The following PRCP variants were observed in gnomAD, a reference collection of about 807,000 sequenced individuals.
The protein encoded by PRCP is prolylcarboxypeptidase.
A neutral mutation model predicts 54.2 loss-of-function variants in PRCP; 46 were observed. That is an observed-to-expected ratio of 0.85 (90% CI 0.67 to 1.09). PRCP has a LOEUF of 1.09. PRCP is among the 50% of genes least tolerant of loss of function. PRCP has a pLI of 0.00. For missense variants in PRCP, 613 were observed against 596.8 expected (o/e 1.03, Z -0.28); for synonymous variants, 240 against 212.2 (o/e 1.13, Z -1.14).
chr11:82,889,640 T>C (rs2121267621), intron 1 of PRCP, among the ~76,000 whole-genome samples: 1 of 151,528 alleles, frequency 6.6e-6, no homozygotes, highest in African/African-American at 2.4e-5. Context: ...TGGAATGGGA[T>C]TGATAAAAGA....
intron 6 of PRCP, among the ~76,000 whole-genome samples, chr11:82,844,393 A>G (rs7946911): frequency 0.15 from 22,245 of 152,096 alleles, 1,703 homozygotes; most frequent in Middle Eastern, 0.2. Context: ...ATTGCACTCC[A>G]GCCTGGGTAA....
At chr11:82,871,323 C>T (rs990825459) in intron 1 of PRCP, among the ~76,000 whole-genome samples, 16 of 151,782 alleles carry the variant, frequency 1.1e-4, no homozygotes, top group Non-Finnish European at 1.3e-4. Flanking sequence ...CGACTATGGG[C>T]GTGCCCCACC....
intron 8 of PRCP, chr11:82,828,462 G>T (rs10488773): frequency 0.2 from 30,101 of 152,056 alleles, 3,173 homozygotes; most frequent in Admixed American, 0.26. Flanking sequence ...TCCACCCATG[G>T]CATGTATTAG....
chr11:82,898,465 T>C (rs1476290435), intron 1 of PRCP, among the ~76,000 whole-genome samples: 1 of 152,182 alleles, frequency 6.6e-6, no homozygotes, highest in Non-Finnish European at 1.5e-5. Context: ...ATTTTAGAGA[T>C]CTCCCAATCC....
At chr11:82,886,653 A>G (rs1859870073) in intron 1 of PRCP, among the ~76,000 whole-genome samples, 1 of 152,168 alleles carries the variant, frequency 6.6e-6, no homozygotes, top group Non-Finnish European at 1.5e-5. Context: ...ATGAGGCAAC[A>G]TGGTACAAGG....
chr11:82,828,358 G>C (rs564329724), intron 8 of PRCP: 3 of 141,092 alleles, frequency 2.1e-5, no homozygotes, highest in African/African-American at 8.6e-5. Context: ...ACACACTTTG[G>C]TTCCAGTCCC....
chr11:82,882,302 G>T (rs1413357159), intron 1 of PRCP, among the ~76,000 whole-genome samples: 1 of 152,156 alleles, frequency 6.6e-6, no homozygotes, highest in East Asian at 1.9e-4. Context: ...TCATAGTAAT[G>T]TGAAAAATTC....
chr11:82,873,809 C>A (rs1489432947), intron 1 of PRCP, among the ~76,000 whole-genome samples: 1 of 152,178 alleles, frequency 6.6e-6, no homozygotes, highest in Non-Finnish European at 1.5e-5. Context: ...TTTTTTATCA[C>A]ATTGAAAAAT....
Position 82,849,074 on chromosome 11 carries a change from TG to T in PRCP, c.895del (p.Gln299SerfsTer10). On this transcript the variant is annotated frameshift_variant, in exon 6 of 9. Coordinates refer to ENST00000313010, the MANE Select transcript of PRCP (RefSeq NM_005040.4). LOFTEE classifies it high-confidence loss of function. ...VDYPYASNFL[Q>X]PLPAWPIKVV... ...CTTGATAGGCCAAGCAGGCAAAGGC[TG>T]TAAAAAGTTAGAGGCATAAGGATAG... The T allele has an allele frequency of 6.2e-7, 1 of 1,613,958 alleles. No homozygotes were observed. The highest frequency in any genetic ancestry group is 8.5e-7 in the Non-Finnish European group (1 of 1,179,918).
chr11:82,892,196 T>A (rs938533539), intron 1 of PRCP, among the ~76,000 whole-genome samples: 4 of 152,134 alleles, frequency 2.6e-5, no homozygotes, highest in Non-Finnish European at 1.5e-5. Flanking sequence ...AAGAAACAGA[T>A]AAAAAACATG....
chr11:82,823,578 A>T lies in PRCP; in HGVS notation c.*1328T>A, dbSNP rs1345552476. 6.6e-6 allele frequency: 1 copy of T among 152,166 alleles called. No homozygotes were observed. The highest frequency in any genetic ancestry group is 2.4e-5 in the African/African-American group (1 of 41,426). The allele number at this position is 152,166 out of a possible 1,614,324, so 9.4% of individuals were successfully genotyped here. A position where few individuals can be genotyped will look rare whatever the true frequency, so the allele number is the denominator to read the frequency against. ...AATGCCATAAAAATGATCAAGCTCAAGGTACAGTTTTTTAAAAGCAGAAAA... is the reference window on the plus strand; with the variant it reads ...AATGCCATAAAAATGATCAAGCTCATGGTACAGTTTTTTAAAAGCAGAAAA... On this transcript the variant is annotated 3_prime_UTR_variant, in exon 9 of 9. Coordinates refer to ENST00000313010, the MANE Select transcript of PRCP (RefSeq NM_005040.4).
chr11:82,826,240 CT>C (rs1236898725), intron 8 of PRCP: 1 of 152,240 alleles, frequency 6.6e-6, no homozygotes, highest in Non-Finnish European at 1.5e-5. Flanking sequence ...TCTTTTGTAA[CT>C]GGTCTCTTTC....
intron 6 of PRCP, among the ~76,000 whole-genome samples, chr11:82,841,712 A>C (rs1387982118): frequency 6.6e-6 from 1 of 152,226 alleles, no homozygotes. Context: ...CTGAGAGCTA[A>C]TTAAAAGTCA....
intron 8 of PRCP, 120 bp from the exon 9 acceptor site, chr11:82,825,242 G>T: frequency 4.6e-6 from 4 of 875,122 alleles, no homozygotes; most frequent in Non-Finnish European, 6.9e-6. Context: ...TAACCTGGGG[G>T]ATTTGATCTG....
intron 1 of PRCP, among the ~76,000 whole-genome samples, chr11:82,873,257 TGAA>T (rs1859522969): frequency 6.6e-6 from 1 of 152,158 alleles, no homozygotes; most frequent in South Asian, 2.1e-4. Flanking sequence ...AAGATCTCAA[TGAA>T]GAAGGACTCA....
At position 82,838,368 on chromosome 11, in the gene PRCP, T is replaced by G; in HGVS notation, c.1274+19A>C. 1 of 1,589,758 alleles carries G rather than the reference T, an allele frequency of 6.3e-7. No homozygotes were observed. The highest frequency in any genetic ancestry group is 1.2e-5 in the South Asian group (1 of 86,582). On this transcript the variant is annotated intron_variant, in intron 8 of 8. Coordinates refer to ENST00000313010, the MANE Select transcript of PRCP (RefSeq NM_005040.4). ...ATGTTCCACCAACTGAAGTTTATCT[T>G]TGGACAGCAAAAACTCACCTGAAAA...
At chr11:82,884,934 T>C (rs1859831965) in intron 1 of PRCP, 1 of 1,602,132 alleles carries the variant, frequency 6.2e-7, no homozygotes, top group Non-Finnish European at 8.5e-7. Context: ...TTGAAAGGTT[T>C]TACTAGCACA....
chr11:82,850,398 G>A lies in PRCP; in HGVS notation c.519C>T (p.Val173=), dbSNP rs1403206764. 1.2e-6 allele frequency: 2 copies of A among 1,605,096 alleles called. No homozygotes were observed. Among genetic ancestry groups the A allele is most frequent in the East Asian group, 2.3e-5 (1 of 44,342 alleles). Residue 173 remains valine, a synonymous_variant, in exon 4 of 9, where the codon GTC becomes GTT. Transcript: ENST00000313010. ...RTIPGAENQP[V]IAIGGSYGGM... is the part of the protein sequence containing the mutation. ...CACCATAGGAGCCTCCTATGGCAATGACAGGTTGATTTTCAGCTCCTGGGA... is the reference window on the plus strand; with the variant it reads ...CACCATAGGAGCCTCCTATGGCAATAACAGGTTGATTTTCAGCTCCTGGGA...
chr11:82,856,524 C>A (rs1255682468), intron 2 of PRCP, among the ~76,000 whole-genome samples: 1 of 152,018 alleles, frequency 6.6e-6, no homozygotes. Context: ...ACTAGAGGGG[C>A]TAATAGTGCA....
Sources: allele counts gnomAD v4.1 joint callset (sites outside exome capture counted in the v4.1 genomes callset), GRCh38; gene constraint gnomAD v4.1.1; transcripts MANE v1.5; gene names NCBI Gene and HGNC (gene_info 2026-07-23, HGNC 2026-07-21).